BTF3L4: variants seen among roughly 807,000 people sequenced by gnomAD.
BTF3L4 encodes transcription factor BTF3 homolog 4.
A neutral mutation model predicts 16.8 loss-of-function variants in BTF3L4; 6 were observed. The ratio of observed to expected loss-of-function variants is 0.36; its 90% CI spans 0.20 to 0.71. The LOEUF is 0.71. BTF3L4 is among the 30% of genes least tolerant of loss of function. BTF3L4 has a pLI of 0.58. For missense variants in BTF3L4, 92 were observed against 186.9 expected (o/e 0.49, Z 2.96); for synonymous variants, 39 against 59.8 (o/e 0.65, Z 1.60).
Position 52,086,849 on chromosome 1 carries a change from T to TA in BTF3L4, c.*92dup. 3 of 681,226 alleles carry TA rather than the reference T, an allele frequency of 4.4e-6. No individual in the cohort carries two copies. Among genetic ancestry groups the TA allele is most frequent in the Non-Finnish European group, 7.5e-6 (3 of 401,950 alleles). 42.2% of individuals were successfully genotyped at this position (681,226 alleles called of 1,614,324 possible). ...TACAGACATGGAGAACATCACCTGT[T>TA]ACTAGTTCAGTAATATAAATATTTT... On this transcript the variant is annotated 3_prime_UTR_variant, in exon 6 of 6. Transcript: ENST00000313334.
At chr1:52,060,254 TGTG>T (rs1462572845) in intron 2 of BTF3L4, among the ~76,000 whole-genome samples, 4 of 152,230 alleles carry the variant, frequency 2.6e-5, no homozygotes, top group African/African-American at 4.8e-5. Flanking sequence ...AAACACCTAA[TGTG>T]GTGTCTAGCA....
chr1:52,063,085 TG>T (rs1222270181), intron 2 of BTF3L4, among the ~76,000 whole-genome samples: 1 of 152,128 alleles, frequency 6.6e-6, no homozygotes, highest in Admixed American at 6.5e-5. Flanking sequence ...GTCAGTGGCC[TG>T]GGGGTTGGGG....
At chr1:52,057,409 G>T (rs1315680986) in intron 1 of BTF3L4, among the ~76,000 whole-genome samples, 1 of 152,214 alleles carries the variant, frequency 6.6e-6, no homozygotes, top group Admixed American at 6.5e-5. Flanking sequence ...TAATCATGTG[G>T]CTTTAGGAAG....
chr1:52,085,355 T>C (rs1230757482), intron 4 of BTF3L4, among the ~76,000 whole-genome samples: 1 of 151,206 alleles, frequency 6.6e-6, no homozygotes, highest in Non-Finnish European at 1.5e-5. Flanking sequence ...GCTTGGTTTT[T>C]TTTGTTTGTT....
intron 3 of BTF3L4, among the ~76,000 whole-genome samples, chr1:52,076,971 A>T (rs1686950493): frequency 6.6e-6 from 1 of 152,180 alleles, no homozygotes; most frequent in Non-Finnish European, 1.5e-5. Flanking sequence ...CGAGAGTTCA[A>T]GACCAGCTTG....
At chr1:52,072,406 C>T (rs1464218763) in intron 3 of BTF3L4, among the ~76,000 whole-genome samples, 2 of 151,714 alleles carry the variant, frequency 1.3e-5, no homozygotes, top group Non-Finnish European at 1.5e-5. Context: ...GGCCAAACAT[C>T]ACTACTGTTC....
chr1:52,064,488 A>C (rs1019400738), intron 2 of BTF3L4, among the ~76,000 whole-genome samples: 3 of 152,206 alleles, frequency 2.0e-5, no homozygotes, highest in African/African-American at 7.2e-5. Context: ...ATAATGTTTT[A>C]AAATTGTTAT....
At chr1:52,059,762 G>A in intron 1 of BTF3L4, 73 bp from the exon 2 acceptor site, 1 of 1,281,602 alleles carries the variant, frequency 7.8e-7, no homozygotes, top group Admixed American at 1.7e-5. Context: ...TGAACCAGAA[G>A]GTACTGTTGC....
At chr1:52,064,234 GC>G (rs1217969456) in intron 2 of BTF3L4, among the ~76,000 whole-genome samples, 6 of 152,182 alleles carry the variant, frequency 3.9e-5, no homozygotes, top group Admixed American at 3.3e-4. Context: ...TTCAGAGGGG[GC>G]TTTCCTGGAC....
At chr1:52,059,759 GA>G in intron 1 of BTF3L4, 75 bp from the exon 2 acceptor site, 3 of 1,270,282 alleles carry the variant, frequency 2.4e-6, no homozygotes, top group Non-Finnish European at 3.4e-6. Flanking sequence ...CAGTGAACCA[GA>G]AGGTACTGTT....
chr1:52,073,827 G>A (rs1686861316), intron 3 of BTF3L4, among the ~76,000 whole-genome samples: 2 of 151,410 alleles, frequency 1.3e-5, no homozygotes, highest in South Asian at 4.2e-4. Flanking sequence ...GTGAAACCCC[G>A]TCTCTACTAA....
chr1:52,070,654 G>C (rs1346775544), intron 3 of BTF3L4, among the ~76,000 whole-genome samples: 3 of 143,390 alleles, frequency 2.1e-5, no homozygotes, highest in South Asian at 2.2e-4. Flanking sequence ...TTTTTTTGGT[G>C]GGGGGATGGT....
At position 52,072,076 on chromosome 1, in the gene BTF3L4, G is replaced by A. The variant is rs529424476; in HGVS notation, c.168+7138G>A. On this transcript the variant is annotated intron_variant, in intron 3 of 5. Transcript: ENST00000313334. ...GTTTGTTTTTTGTTGTTGTTTTGAG[G>A]TGCAGTCTCGCTCTTTTGCCCAGGC... Among the ~76,000 whole-genome samples, 3 of 148,828 alleles carry A rather than the reference G, an allele frequency of 2.0e-5. 1 individual carries two copies. Among genetic ancestry groups the A allele is most frequent in the African/African-American group, 7.4e-5 (3 of 40,426 alleles).
chr1:52,070,215 A>T (rs1290988678), intron 3 of BTF3L4, among the ~76,000 whole-genome samples: 1 of 2,810 alleles, frequency 3.6e-4, no homozygotes, highest in African/African-American at 4.0e-4. Context: ...AGACTGTCTA[A>T]AAAAAAAAAA....
intron 3 of BTF3L4, among the ~76,000 whole-genome samples, chr1:52,068,101 GCCTCTC>G (rs1686699323): frequency 1.3e-5 from 2 of 152,140 alleles, no homozygotes; most frequent in African/African-American, 4.8e-5. Context: ...AAGACTTTAT[GCCTCTC>G]ATAATTAGTA....
intron 2 of BTF3L4, 44 bp from the exon 3 acceptor site, chr1:52,064,781 G>A (rs1329192395): frequency 2.4e-6 from 3 of 1,244,644 alleles, no homozygotes; most frequent in Non-Finnish European, 3.5e-6. Flanking sequence ...GTTGCCAGAT[G>A]CCAGGCATGC....
chr1:52,063,643 A>G (rs1440998159), intron 2 of BTF3L4, among the ~76,000 whole-genome samples: 1 of 152,226 alleles, frequency 6.6e-6, no homozygotes, highest in African/African-American at 2.4e-5. Context: ...ATTATTTTAA[A>G]TAGTATTTCA....
At chr1:52,061,721 A>G (rs922121601) in intron 2 of BTF3L4, among the ~76,000 whole-genome samples, 12 of 141,472 alleles carry the variant, frequency 8.5e-5, no homozygotes, top group African/African-American at 2.6e-4. Flanking sequence ...GCTCACTGCA[A>G]CCTCCGCCTC....
chr1:52,080,949 C>T (rs1456594344), intron 3 of BTF3L4, among the ~76,000 whole-genome samples: 1 of 151,160 alleles, frequency 6.6e-6, no homozygotes, highest in African/African-American at 2.4e-5. Context: ...AAGTGATTCT[C>T]CTGTCTCAGC....
Sources: gnomAD v4.1 joint callset for allele counts (sites outside exome capture counted in the v4.1 genomes callset) on GRCh38, gnomAD v4.1.1 for gene constraint, MANE v1.5 for transcripts, NCBI Gene and HGNC (gene_info 2026-07-23, HGNC 2026-07-21) for gene names.